Variants in TENM4 observed in about 807,000 individuals in gnomAD.
The protein encoded by TENM4 is teneurin-4.
In TENM4, 82 loss-of-function variants were observed where a neutral mutation model predicts 243.3. The observed-to-expected ratio is 0.34, with a 90% CI of 0.28 to 0.40. The LOEUF (loss-of-function observed/expected upper bound fraction) is 0.40. Ranked by LOEUF, TENM4 falls within the 10% of genes least tolerant of loss-of-function variation. TENM4 has a pLI of 1.00. For missense variants in TENM4, 3,138 were observed against 3,673.3 expected (o/e 0.85, Z 3.77); for synonymous variants, 1,412 against 1,456.3 (o/e 0.97, Z 0.69).
In TENM4 at chr11:79,032,269, G is replaced by A. The variant is rs59454302; in HGVS notation, c.493+32469C>T. 5.3e-4 allele frequency among the ~76,000 whole-genome samples: 81 copies of A among 152,200 alleles called. No homozygotes were observed. In the East Asian group the frequency reaches 0.012, roughly 23 times the overall value. On this transcript the variant is annotated intron_variant, in intron 6 of 33. Transcript: ENST00000278550. ...ATCACAGCAGTAATCACCCTGAGGC[G>A]GGGGGCACCAGGCCGGGGACTTCCC...
At chr11:79,237,684 T>C (rs1864505040) in intron 2 of TENM4, among the ~76,000 whole-genome samples, 1 of 151,964 alleles carries the variant, frequency 6.6e-6, no homozygotes, top group Non-Finnish European at 1.5e-5. Context: ...CTCAAAAAAA[T>C]AAAAAAATAA....
intron 6 of TENM4, among the ~76,000 whole-genome samples, chr11:78,936,616 AG>A (rs1218935322): frequency 6.6e-6 from 1 of 152,378 alleles, no homozygotes; most frequent in African/African-American, 2.4e-5. Flanking sequence ...TATGGGAAGT[AG>A]GAACTGCTCT....
intron 19 of TENM4, among the ~76,000 whole-genome samples, chr11:78,750,669 C>A (rs1856167555): frequency 6.6e-6 from 1 of 152,178 alleles, no homozygotes; most frequent in Admixed American, 6.5e-5. Context: ...TCAGCAGGGA[C>A]TGGCTAATTC....
At chr11:78,913,254 A>T (rs2136358028) in intron 6 of TENM4, among the ~76,000 whole-genome samples, 1 of 152,224 alleles carries the variant, frequency 6.6e-6, no homozygotes, top group South Asian at 2.1e-4. Flanking sequence ...TTTTACAAAC[A>T]TCACTTTTTA....
chr11:78,726,698 A>G (rs1454235096), intron 22 of TENM4, among the ~76,000 whole-genome samples: 1 of 151,948 alleles, frequency 6.6e-6, no homozygotes, highest in East Asian at 1.9e-4. Context: ...CAGATGTTTA[A>G]AAGTGTGTAG....
At chr11:79,389,457 C>T (rs1858185235) in intron 1 of TENM4, among the ~76,000 whole-genome samples, 1 of 152,188 alleles carries the variant, frequency 6.6e-6, no homozygotes, top group African/African-American at 2.4e-5. Flanking sequence ...GTGCCCAGCA[C>T]AGAGATAAGT....
intron 6 of TENM4, among the ~76,000 whole-genome samples, chr11:79,026,958 T>C (rs1342333242): frequency 6.6e-6 from 1 of 152,016 alleles, no homozygotes; most frequent in Non-Finnish European, 1.5e-5. Context: ...TGTGAGTAAG[T>C]GAGTGGGCTA....
intron 3 of TENM4, among the ~76,000 whole-genome samples, chr11:79,192,171 T>C (rs11237754): frequency 0.18 from 26,540 of 146,702 alleles, 3,112 homozygotes; most frequent in Middle Eastern, 0.26. Flanking sequence ...CCCGGCCAGC[T>C]GCCCGGTCTG....
At chr11:79,394,687 T>C (rs1411760146) in intron 1 of TENM4, among the ~76,000 whole-genome samples, 2 of 152,196 alleles carry the variant, frequency 1.3e-5, no homozygotes, top group East Asian at 3.9e-4. Flanking sequence ...AACAAGGTCT[T>C]TGTGAATGTA....
intron 6 of TENM4, among the ~76,000 whole-genome samples, chr11:78,920,580 T>C (rs1433125118): frequency 6.6e-6 from 1 of 152,118 alleles, no homozygotes; most frequent in African/African-American, 2.4e-5. Flanking sequence ...TAATCACACT[T>C]ACTCACATTG....
intron 19 of TENM4, among the ~76,000 whole-genome samples, chr11:78,744,729 C>A (rs552702486): frequency 6.6e-6 from 1 of 152,204 alleles, no homozygotes; most frequent in Admixed American, 6.5e-5. Context: ...ATTTATAAAT[C>A]GCACACATGT....
intron 3 of TENM4, among the ~76,000 whole-genome samples, chr11:79,203,509 C>A (rs1170335813): frequency 6.6e-6 from 1 of 152,160 alleles, no homozygotes; most frequent in Non-Finnish European, 1.5e-5. Flanking sequence ...CCTGTATATA[C>A]TATGCTTTTT....
intron 28 of TENM4, among the ~76,000 whole-genome samples, chr11:78,690,187 G>C (rs1858785088): frequency 6.6e-6 from 1 of 152,218 alleles, no homozygotes; most frequent in Admixed American, 6.5e-5. Flanking sequence ...CTGCCTCGCA[G>C]AGCTAAGTGA....
chr11:79,135,984 T>C (rs1862102829), intron 4 of TENM4, among the ~76,000 whole-genome samples: 2 of 151,712 alleles, frequency 1.3e-5, no homozygotes, highest in Admixed American at 6.6e-5. Context: ...GGAGCTAAGC[T>C]ATGAGGATTC....
At chr11:79,210,279 A>G in intron 3 of TENM4, among the ~76,000 whole-genome samples, 1 of 152,182 alleles carries the variant, frequency 6.6e-6, no homozygotes, top group East Asian at 1.9e-4. Flanking sequence ...TAATAGCAAC[A>G]TGGGGTTCAC....
chr11:79,415,895 C>T (rs374235646), intron 1 of TENM4, among the ~76,000 whole-genome samples: 3 of 151,440 alleles, frequency 2.0e-5, no homozygotes, highest in Non-Finnish European at 4.4e-5. Context: ...ATCCCTCCCA[C>T]CCCTTCACCC....
At chr11:79,196,754 A>T (rs1410116838) in intron 3 of TENM4, among the ~76,000 whole-genome samples, 2 of 152,120 alleles carry the variant, frequency 1.3e-5, no homozygotes, top group Non-Finnish European at 2.9e-5. Context: ...CATCAAACAG[A>T]ACATTCTAGA....
intron 1 of TENM4, among the ~76,000 whole-genome samples, chr11:79,393,726 G>T (rs1341955004): frequency 6.6e-6 from 1 of 152,198 alleles, no homozygotes; most frequent in African/African-American, 2.4e-5. Context: ...GAAGGGACTC[G>T]GTGTGTTTCA....
At chr11:79,204,957 G>C (rs1010210884) in intron 3 of TENM4, among the ~76,000 whole-genome samples, 1 of 152,132 alleles carries the variant, frequency 6.6e-6, no homozygotes, top group Non-Finnish European at 1.5e-5. Context: ...CCAAACGATA[G>C]CATCTATTGT....
Sources: gnomAD v4.1 joint callset for allele counts (sites outside exome capture counted in the v4.1 genomes callset) on GRCh38, gnomAD v4.1.1 for gene constraint, MANE v1.5 for transcripts, NCBI Gene and HGNC (gene_info 2026-07-23, HGNC 2026-07-21) for gene names.